Variants in CRYBG3 observed in about 807,000 individuals in gnomAD.
CRYBG3 encodes the protein very large A-kinase anchor protein.
A neutral mutation model predicts 244.2 loss-of-function variants in CRYBG3; 127 were observed. That is an observed-to-expected ratio of 0.52 (90% confidence interval 0.45 to 0.60). The LOEUF is 0.60. Among genes scored for constraint, CRYBG3 ranks in the 20% least tolerant of loss-of-function variants. The pLI is 0.00. For missense variants in CRYBG3, 3,325 were observed against 3,442.5 expected (o/e 0.97, Z 0.85); for synonymous variants, 1,132 against 1,195.8 (o/e 0.95, Z 1.10).
chr3:97,854,747 C>A (rs2039040826), intron 2 of CRYBG3, among the ~76,000 whole-genome samples: 1 of 151,878 alleles, frequency 6.6e-6, no homozygotes, highest in Non-Finnish European at 1.5e-5. Context: ...GATGTAGAAG[C>A]TTTTTGGATG....
chr3:97,938,053 A>C (rs886922540), intron 19 of CRYBG3, among the ~76,000 whole-genome samples: 1 of 152,034 alleles, frequency 6.6e-6, no homozygotes, highest in Non-Finnish European at 1.5e-5. Flanking sequence ...AACCCAAGTG[A>C]AACTGTCAGG....
chr3:97,866,588 G>T (rs141707129), intron 3 of CRYBG3, among the ~76,000 whole-genome samples: 1 of 152,072 alleles, frequency 6.6e-6, no homozygotes, highest in African/African-American at 2.4e-5. Context: ...TTGCTTGCTC[G>T]CATTTGACAT....
chr3:97,906,139 T>C (rs1305255871), intron 15 of CRYBG3, among the ~76,000 whole-genome samples: 5 of 150,016 alleles, frequency 3.3e-5, no homozygotes, highest in African/African-American at 1.2e-4. Context: ...ACTGTTTTGG[T>C]TACTGTAGCC....
chr3:97,904,132 C>G (rs963449627), intron 15 of CRYBG3, among the ~76,000 whole-genome samples: 7 of 152,176 alleles, frequency 4.6e-5, no homozygotes, highest in African/African-American at 1.7e-4. Context: ...ATTTCACCAA[C>G]AGTAGAAACC....
chr3:97,839,173 G>T (rs796117170), intron 1 of CRYBG3, among the ~76,000 whole-genome samples: 1 of 152,142 alleles, frequency 6.6e-6, no homozygotes, highest in African/African-American at 2.4e-5. Flanking sequence ...CCCAAAGGGG[G>T]TTAAATTGTG....
At position 97,932,910 on chromosome 3, in the gene CRYBG3, C is replaced by A. The variant is rs699302; in HGVS notation, c.8242-784C>A. Among the ~76,000 whole-genome samples the A allele has an allele frequency of 2.5e-3, 373 of 152,198 alleles. 3 individuals are homozygous for A. The highest frequency in any genetic ancestry group is 0.023 in the East Asian group (120 of 5,148). On this transcript the variant is annotated intron_variant, in intron 17 of 21. Transcript: ENST00000389622. ...GCCACCACATCCATGAAGCTTGATT[C>A]CTGCTCCCTTCTGCTAAAAATAATC...
chr3:97,909,387 A>G (rs2039833837), intron 15 of CRYBG3, among the ~76,000 whole-genome samples: 1 of 147,938 alleles, frequency 6.8e-6, no homozygotes, highest in African/African-American at 2.5e-5. Flanking sequence ...AGGTACACCA[A>G]TCAGACATAG....
chr3:97,823,751 A>G (rs1358424760), intron 1 of CRYBG3, among the ~76,000 whole-genome samples: 1 of 152,220 alleles, frequency 6.6e-6, no homozygotes, highest in African/African-American at 2.4e-5. Context: ...GGAAATCCCA[A>G]GTAGGCGCAG....
At chr3:97,878,105 C>A in intron 4 of CRYBG3, 68 bp downstream of exon 4, 1 of 1,379,532 alleles carries the variant, frequency 7.2e-7, no homozygotes. Context: ...TATCTAAAGG[C>A]TTATTAAGAA....
chr3:97,873,634 T>C lies in CRYBG3; in HGVS notation c.2440T>C (p.Ser814Pro). The C allele has an allele frequency of 6.5e-7, 1 of 1,534,634 alleles. No individual in the cohort carries two copies. Among genetic ancestry groups the C allele is most frequent in the Non-Finnish European group, 8.7e-7 (1 of 1,146,374 alleles). Residue 814 changes from serine to proline, a missense_variant, in exon 4 of 22, where the codon TCA becomes CCA. Ser to Pro is a moderately conservative substitution (Grantham distance 74). This residue lies in a region of CRYBG3 where 1,526 missense variants were observed against 1,443.2 expected (regional missense o/e 1.06). Coordinates refer to ENST00000389622, the MANE Select transcript of CRYBG3 (RefSeq NM_153605.4). ...GGAAGCCAAAACTGCTAACATTGTA[T>C]CAAAAGCTGAAATTGATGGTCAGAA... ...SLEAKTANIV[S>P]KAEIDGQNNV...
At chr3:97,899,861 G>C (rs2108239863) in intron 14 of CRYBG3, among the ~76,000 whole-genome samples, 1 of 152,252 alleles carries the variant, frequency 6.6e-6, no homozygotes, top group East Asian at 1.9e-4. Flanking sequence ...AGAACAATAA[G>C]AGTGCCCATG....
intron 11 of CRYBG3, 82 bp from the exon 12 acceptor site, chr3:97,895,877 A>T: frequency 7.8e-7 from 1 of 1,287,602 alleles, no homozygotes; most frequent in Non-Finnish European, 1.1e-6. Context: ...AACCACTATG[A>T]GCTTTATCTT....
chr3:97,847,798 A>G (rs1395251951), intron 2 of CRYBG3, among the ~76,000 whole-genome samples: 2 of 152,234 alleles, frequency 1.3e-5, no homozygotes, highest in African/African-American at 2.4e-5. Context: ...TGAAGGATTT[A>G]GCATCTTTTA....
At chr3:97,922,107 C>T (rs2039991021) in intron 17 of CRYBG3, among the ~76,000 whole-genome samples, 1 of 151,978 alleles carries the variant, frequency 6.6e-6, no homozygotes. Flanking sequence ...GGCACAGCTA[C>T]AAATAGAGGG....
At chr3:97,937,533 A>T (rs927575740) in intron 19 of CRYBG3, among the ~76,000 whole-genome samples, 4 of 152,022 alleles carry the variant, frequency 2.6e-5, no homozygotes, top group African/African-American at 9.7e-5. Flanking sequence ...ATTCTACTTA[A>T]GTGTCAGGTC....
intron 7 of CRYBG3, among the ~76,000 whole-genome samples, chr3:97,883,382 T>C (rs1048507816): frequency 5.9e-5 from 9 of 152,210 alleles, no homozygotes; most frequent in African/African-American, 2.2e-4. Flanking sequence ...CTAAGATTTA[T>C]ATCACTTGTG....
At chr3:97,910,607 TCGCGCACGGTGCA>T (rs1417807581) in intron 15 of CRYBG3, among the ~76,000 whole-genome samples, 1 of 152,226 alleles carries the variant, frequency 6.6e-6, no homozygotes, top group East Asian at 1.9e-4. Flanking sequence ...CTGCTTCGGT[TCGCGCACGGTGCA>T]CGCACCCATG....
chr3:97,915,653 G>A lies in CRYBG3; in HGVS notation c.8158G>A (p.Val2720Met), dbSNP rs1348637791. Residue 2720 changes from valine to methionine, a missense_variant, in exon 17 of 22, where the codon GTG becomes ATG. This residue lies in a region of CRYBG3 where 714 missense variants were observed against 803.6 expected (regional missense o/e 0.89). Coordinates refer to ENST00000389622, the MANE Select transcript of CRYBG3 (RefSeq NM_153605.4). ...YQEDMFVNHC[V>M]LEEGLYADLT... ...AGAAGACATGTTTGTTAATCACTGT[G>A]TGTTAGAAGAAGGCCTCTATGCTGA... is the stretch of plus-strand genomic sequence containing the variant. 1.2e-6 allele frequency: 2 copies of A among 1,612,976 alleles called. No individual in the cohort carries two copies. The highest frequency in any genetic ancestry group is 1.7e-6 in the Non-Finnish European group (2 of 1,179,148).
chr3:97,864,183 A>G, intron 2 of CRYBG3, 34 bp from the exon 3 acceptor site: 1 of 1,417,360 alleles, frequency 7.1e-7, no homozygotes, highest in Non-Finnish European at 9.3e-7. Context: ...TATTTAAATA[A>G]TGATGCTTAT....
Sources: gnomAD v4.1 joint callset for allele counts (sites outside exome capture counted in the v4.1 genomes callset) on GRCh38, gnomAD v4.1.1 for gene constraint, gnomAD v4.1.1 regional missense constraint, MANE v1.5 for transcripts, NCBI Gene and HGNC (gene_info 2026-07-23, HGNC 2026-07-21) for gene names.